SLC25A21: variants seen among roughly 807,000 people sequenced by gnomAD.
The protein encoded by SLC25A21 is solute carrier family 25 member 21, also known as mitochondrial 2-oxodicarboxylate carrier.
SLC25A21 carries 47 observed loss-of-function variants against 43.8 expected under a neutral mutation model. The observed-to-expected ratio is 1.07, with a 90% CI of 0.85 to 1.37. SLC25A21 has a LOEUF of 1.37. Among genes scored for constraint, SLC25A21 ranks in the 40% most tolerant of loss-of-function variants. The pLI, the probability that SLC25A21 is intolerant of heterozygous loss-of-function variation, is 0.00. For missense variants in SLC25A21, 352 were observed against 350.2 expected (o/e 1.00, Z -0.04); for synonymous variants, 131 against 121.3 (o/e 1.08, Z -0.52).
chr14:36,777,647 A>G (rs1886886500), intron 3 of SLC25A21, among the ~76,000 whole-genome samples: 1 of 152,222 alleles, frequency 6.6e-6, no homozygotes, highest in South Asian at 2.1e-4. Flanking sequence ...AAGGATTGCC[A>G]GAAGTCACCC....
intron 1 of SLC25A21, among the ~76,000 whole-genome samples, chr14:36,999,236 A>G (rs1331250669): frequency 6.6e-6 from 1 of 152,168 alleles, no homozygotes; most frequent in East Asian, 1.9e-4. Context: ...AAATATATGA[A>G]GAAACTTAAG....
Position 36,930,658 on chromosome 14 carries a change from A to G in SLC25A21, c.71-55654T>C, listed in dbSNP as rs567849787. Among the ~76,000 whole-genome samples, 3 of 152,214 alleles carry G rather than the reference A, an allele frequency of 2.0e-5. No homozygotes were observed. In the South Asian group the frequency reaches 6.2e-4, roughly 32 times the overall value. On this transcript the variant is annotated intron_variant, in intron 1 of 9. Transcript: ENST00000331299. ...CTATAGTGTACACCACAACCATAATAATCTTTTCACAGCACATTCAAGCTT... is the reference window on the plus strand; with the variant it reads ...CTATAGTGTACACCACAACCATAATGATCTTTTCACAGCACATTCAAGCTT...
intron 2 of SLC25A21, among the ~76,000 whole-genome samples, chr14:36,852,652 T>C (rs922344911): frequency 6.6e-6 from 1 of 152,166 alleles, no homozygotes; most frequent in Non-Finnish European, 1.5e-5. Context: ...TATTGGCGTG[T>C]GTGTATGTGT....
chr14:37,129,578 T>C (rs17106401), intron 1 of SLC25A21, among the ~76,000 whole-genome samples: 4,418 of 151,826 alleles, frequency 0.029, 145 homozygotes, highest in Admixed American at 0.094. Context: ...TGATCCTAGA[T>C]AGAGGAAAGC....
At chr14:36,812,534 T>C (rs1888307876) in intron 3 of SLC25A21, among the ~76,000 whole-genome samples, 1 of 151,042 alleles carries the variant, frequency 6.6e-6, no homozygotes, top group Non-Finnish European at 1.5e-5. Flanking sequence ...GCAAAGATAG[T>C]ATGAAAATAT....
intron 3 of SLC25A21, among the ~76,000 whole-genome samples, chr14:36,740,486 T>C (rs754426449): frequency 3.0e-4 from 46 of 152,224 alleles, no homozygotes; most frequent in Non-Finnish European, 5.9e-4. Context: ...TTGTTTTTAA[T>C]TGTACTACTT....
At chr14:37,026,954 G>A (rs192155667) in intron 1 of SLC25A21, among the ~76,000 whole-genome samples, 1 of 152,026 alleles carries the variant, frequency 6.6e-6, no homozygotes, top group South Asian at 2.1e-4. Flanking sequence ...TCTTTGAGAG[G>A]AGAAAAAACG....
At chr14:37,165,112 C>T (rs1344969348) in intron 1 of SLC25A21, among the ~76,000 whole-genome samples, 4 of 152,218 alleles carry the variant, frequency 2.6e-5, no homozygotes, top group Non-Finnish European at 4.4e-5. Context: ...TGCAGTGGCT[C>T]ACGCCTGTAA....
rs543899316 is a variant in SLC25A21, at chr14:36,790,342, C to T, written c.203+23576G>A. 3.0e-4 allele frequency among the ~76,000 whole-genome samples: 46 copies of T among 152,076 alleles called. 1 individual carries two copies. The highest frequency in any genetic ancestry group is 1.9e-3 in the Admixed American group (29 of 15,246). ...AATTTTTGAGAGGTGGTGCATTATC[C>T]TATTTAAATCCATACATCATCCTTA... On this transcript the variant is annotated intron_variant, in intron 3 of 9. Coordinates refer to ENST00000331299, the MANE Select transcript of SLC25A21 (RefSeq NM_030631.4).
chr14:37,001,470 C>A (rs1960488034), intron 1 of SLC25A21, among the ~76,000 whole-genome samples: 1 of 152,126 alleles, frequency 6.6e-6, no homozygotes. Context: ...TGGTTCTGAA[C>A]CACTGAGCTC....
Position 36,928,683 on chromosome 14 carries a change from C to T in SLC25A21, c.71-53679G>A, listed in dbSNP as rs559695557. On this transcript the variant is annotated intron_variant, in intron 1 of 9. Transcript: ENST00000331299. The stretch of plus-strand genomic sequence containing the variant: ...TACTGTGGAACCCAGTAGAGATTGC[C>T]GAATTGCTCAGCTAAACGTTTTCAA... 1.5e-4 allele frequency among the ~76,000 whole-genome samples: 23 copies of T among 152,166 alleles called. No individual in the cohort carries two copies. In the South Asian group the frequency reaches 3.5e-3, roughly 23 times the overall value.
At chr14:36,708,986 C>G (rs571822393) in intron 7 of SLC25A21, among the ~76,000 whole-genome samples, 1 of 148,872 alleles carries the variant, frequency 6.7e-6, no homozygotes, top group Non-Finnish European at 1.5e-5. Flanking sequence ...AGCATATGAC[C>G]ATACATATAT....
intron 1 of SLC25A21, among the ~76,000 whole-genome samples, chr14:37,032,657 T>G (rs1315671402): frequency 9.1e-6 from 1 of 109,530 alleles, no homozygotes. Context: ...GGCAACAGAG[T>G]GAGACTCTGT....
At chr14:37,010,179 G>A (rs1238074646) in intron 1 of SLC25A21, among the ~76,000 whole-genome samples, 1 of 152,182 alleles carries the variant, frequency 6.6e-6, no homozygotes, top group Non-Finnish European at 1.5e-5. Flanking sequence ...AAATGGCACA[G>A]TACAGAACAT....
chr14:37,031,110 G>A (rs1594760087), intron 1 of SLC25A21, among the ~76,000 whole-genome samples: 3 of 152,138 alleles, frequency 2.0e-5, no homozygotes, highest in Non-Finnish European at 1.5e-5. Flanking sequence ...AGCCTTTCAA[G>A]GCAGCAAGCC....
At chr14:37,079,287 C>G (rs2138835985) in intron 1 of SLC25A21, among the ~76,000 whole-genome samples, 1 of 152,300 alleles carries the variant, frequency 6.6e-6, no homozygotes. Context: ...CACACACCCT[C>G]CAATGCATCA....
chr14:37,058,986 A>T (rs954870099), intron 1 of SLC25A21, among the ~76,000 whole-genome samples: 2 of 152,206 alleles, frequency 1.3e-5, no homozygotes, highest in African/African-American at 4.8e-5. Context: ...TGTCCTTTCC[A>T]GGTAGGAATC....
intron 2 of SLC25A21, among the ~76,000 whole-genome samples, chr14:36,850,618 TG>T (rs1889696458): frequency 6.6e-6 from 1 of 152,162 alleles, no homozygotes; most frequent in African/African-American, 2.4e-5. Context: ...GTAACCATCC[TG>T]GAAAAGTAGT....
chr14:36,910,721 C>G (rs956913642), intron 1 of SLC25A21, among the ~76,000 whole-genome samples: 1 of 152,092 alleles, frequency 6.6e-6, no homozygotes, highest in Admixed American at 6.6e-5. Context: ...CTAGAAGTAT[C>G]ATGAAAATGC....
Sources: allele counts gnomAD v4.1 joint callset (sites outside exome capture counted in the v4.1 genomes callset), GRCh38; gene constraint gnomAD v4.1.1; transcripts MANE v1.5; gene names NCBI Gene and HGNC (gene_info 2026-07-23, HGNC 2026-07-21).